ADGRB1: variants seen among roughly 807,000 people sequenced by gnomAD.
ADGRB1 encodes the protein adhesion G protein-coupled receptor B1.
ADGRB1 carries 36 observed loss-of-function variants against 175.7 expected under a neutral mutation model. The observed-to-expected ratio is 0.20, with a 90% CI of 0.16 to 0.27. The LOEUF (loss-of-function observed/expected upper bound fraction) is 0.27. Among genes scored for constraint, ADGRB1 ranks in the 10% least tolerant of loss-of-function variants. The probability of loss-of-function intolerance (pLI) is 1.00; values close to 1 mark genes in which losing one functional copy is unlikely to be tolerated. For missense variants in ADGRB1, 1,731 were observed against 2,255.3 expected (o/e 0.77, Z 4.71); for synonymous variants, 1,054 against 979.4 (o/e 1.08, Z -1.42).
chr8:142,452,732 C>T (rs1450386339), intron 1 of ADGRB1, among the ~76,000 whole-genome samples: 1 of 151,848 alleles, frequency 6.6e-6, no homozygotes, highest in African/African-American at 2.4e-5. Context: ...AGCAAGCGCC[C>T]GGGGTCCGAG....
Position 142,492,636 on chromosome 8 carries a change from T to C in ADGRB1, c.2675+1821T>C, listed in dbSNP as rs574822735. On this transcript the variant is annotated intron_variant, in intron 17 of 30. Coordinates refer to ENST00000517894, the MANE Select transcript of ADGRB1 (RefSeq NM_001702.3). This position sits in a 1 kb window ranked among gnomAD's most constrained non-coding sequence, Gnocchi z 4.4. ...GCTCCTGCCTTCTCTGCACCCCACATGGTGGACTCTGCTATGTTTCCTGCC... is the reference window on the plus strand; with the variant it reads ...GCTCCTGCCTTCTCTGCACCCCACACGGTGGACTCTGCTATGTTTCCTGCC... Among the ~76,000 whole-genome samples the C allele has an allele frequency of 5.9e-5, 9 of 152,282 alleles. No homozygotes were observed. The South Asian group carries it at 1.7e-3, about 28-fold the overall frequency.
intron 2 of ADGRB1, among the ~76,000 whole-genome samples, chr8:142,469,701 CTGTG>C (rs1261589318): frequency 7.6e-6 from 1 of 131,278 alleles, no homozygotes; most frequent in African/African-American, 2.9e-5. Context: ...GTGTGCGTGC[CTGTG>C]TGTGAATGTG....
rs867140587 is a variant in ADGRB1, at chr8:142,492,391, T to G, written c.2675+1576T>G. Among the ~76,000 whole-genome samples the G allele has an allele frequency of 3.3e-5, 5 of 152,044 alleles. No homozygotes were observed. The highest frequency in any genetic ancestry group is 4.8e-5 in the African/African-American group (2 of 41,394). On this transcript the variant is annotated intron_variant, in intron 17 of 30. Transcript: ENST00000517894. The surrounding 1 kb of genome is among the most constrained non-coding windows in gnomAD (Gnocchi z 4.4). ...AGGGACAGACGGAGCAGTGTGGTGA[T>G]GCCCGGCCGTGCATGGGCCGGGAAG...
At chr8:142,476,311 C>G (rs1226098753) in intron 3 of ADGRB1, among the ~76,000 whole-genome samples, 5 of 152,152 alleles carry the variant, frequency 3.3e-5, no homozygotes, top group Non-Finnish European at 5.9e-5. Context: ...GGGTGCCAGG[C>G]ACGGGAGAGC....
chr8:142,506,962 G>T (rs1842879930), intron 17 of ADGRB1, among the ~76,000 whole-genome samples: 1 of 152,210 alleles, frequency 6.6e-6, no homozygotes, highest in African/African-American at 2.4e-5. Flanking sequence ...ACGGTCCCTT[G>T]CAGACCTGCA....
Position 142,479,483 on chromosome 8 carries a change from T to C in ADGRB1, c.1722T>C (p.Cys574=). 6.5e-7 allele frequency: 1 copy of C among 1,543,742 alleles called. No individual in the cohort carries two copies. The highest frequency in any genetic ancestry group is 1.2e-5 in the South Asian group (1 of 82,066). The change falls in exon 8 of 31, where the codon TGT becomes TGC. Residue 574 remains cysteine (C), a synonymous_variant. Coordinates refer to ENST00000517894, the MANE Select transcript of ADGRB1 (RefSeq NM_001702.3). ...DEYRQCGTQR[C]PEPHEICDED... ...ACCGGCAGTGCGGCACCCAGCGGTG[T>C]CCCGGTGAGGCCCCTCCTACCTGGG... is the stretch of plus-strand genomic sequence containing the variant.
At chr8:142,460,221 G>A (rs983141692) in intron 1 of ADGRB1, among the ~76,000 whole-genome samples, 10 of 152,246 alleles carry the variant, frequency 6.6e-5, no homozygotes, top group African/African-American at 1.4e-4. Context: ...AGGAGACCTC[G>A]GCTGGCTCAG....
chr8:142,529,062 C>T (rs542575587), intron 24 of ADGRB1, among the ~76,000 whole-genome samples: 2 of 152,364 alleles, frequency 1.3e-5, no homozygotes, highest in South Asian at 4.1e-4. Flanking sequence ...ATGGCTGATG[C>T]CTGGGCAGGG....
At chr8:142,518,359 C>A in intron 19 of ADGRB1, 118 bp downstream of exon 19, 1 of 1,036,404 alleles carries the variant, frequency 9.6e-7, no homozygotes, top group South Asian at 1.5e-5. Context: ...CCTCACGTTC[C>A]CAGTCACCTC....
At chr8:142,505,918 A>G (rs1694481384) in intron 17 of ADGRB1, among the ~76,000 whole-genome samples, 1 of 151,728 alleles carries the variant, frequency 6.6e-6, no homozygotes, top group Admixed American at 6.6e-5. Context: ...GAGGTGGGGG[A>G]GGTGAAGCGG....
intron 23 of ADGRB1, 33 bp from the exon 24 acceptor site, chr8:142,526,509 A>ACCCCCCC: frequency 5.6e-5 from 26 of 462,832 alleles, no homozygotes; most frequent in Middle Eastern, 5.7e-4. Flanking sequence ...GGCGGCCCCC[A>ACCCCCCC]CCCCCACACC....
At chr8:142,484,086 G>A (rs772811409) in intron 12 of ADGRB1, 41 bp downstream of exon 12, 1 of 1,571,972 alleles carries the variant, frequency 6.4e-7, no homozygotes. Flanking sequence ...CTCAGGAGGG[G>A]TGCAGGCACA....
Position 142,499,613 on chromosome 8 carries a change from C to T in ADGRB1, c.2675+8798C>T, listed in dbSNP as rs568399848. Among the ~76,000 whole-genome samples, 7 of 150,070 alleles carry T rather than the reference C, an allele frequency of 4.7e-5. No homozygotes were observed. The South Asian group carries it at 1.3e-3, about 28-fold the overall frequency. On this transcript the variant is annotated intron_variant, in intron 17 of 30. Coordinates refer to ENST00000517894, the MANE Select transcript of ADGRB1 (RefSeq NM_001702.3). ...AGTGCCGCGGTGGGAGCGCTGCCTG[C>T]GAGGTGTCTGTGAGAGGTGGGGTTG...
At chr8:142,515,040 T>C (rs900566604) in intron 18 of ADGRB1, among the ~76,000 whole-genome samples, 22 of 151,966 alleles carry the variant, frequency 1.4e-4, no homozygotes, top group African/African-American at 5.1e-4. Context: ...TGGGAGTTCA[T>C]GTGGTGGAAA....
At chr8:142,501,603 G>C (rs1227374320) in intron 17 of ADGRB1, among the ~76,000 whole-genome samples, 1 of 146,140 alleles carries the variant, frequency 6.8e-6, no homozygotes, top group African/African-American at 2.7e-5. Context: ...GGTGGTGGTA[G>C]TGATGACTGT....
At chr8:142,520,373 T>G (rs1843726973) in intron 19 of ADGRB1, among the ~76,000 whole-genome samples, 2 of 135,646 alleles carry the variant, frequency 1.5e-5, no homozygotes, top group South Asian at 2.5e-4. Flanking sequence ...GTGGTGATGG[T>G]GGTGGTGGTG....
At chr8:142,465,038 GGGCAGACAGGGGAGGC>G in intron 2 of ADGRB1, 56 bp downstream of exon 2, 8 of 1,328,194 alleles carry the variant, frequency 6.0e-6, no homozygotes, top group South Asian at 1.5e-5. Context: ...CAGGGGAGGC[GGGCAGACAGGGGAGGC>G]GGGCGGATGG....
chr8:142,479,023 C>A, intron 7 of ADGRB1: 1 of 329,624 alleles, frequency 3.0e-6, no homozygotes, highest in Non-Finnish European at 5.5e-6. Context: ...CTTGGGGTGT[C>A]TGTGGGGAAG....
At chr8:142,502,402 G>GTGATGA (rs1842639395) in intron 17 of ADGRB1, among the ~76,000 whole-genome samples, 1 of 137,780 alleles carries the variant, frequency 7.3e-6, no homozygotes, top group African/African-American at 2.7e-5. Context: ...GGTGGTGATG[G>GTGATGA]TGGTGGTGGT....
Sources: allele counts gnomAD v4.1 joint callset (sites outside exome capture counted in the v4.1 genomes callset), GRCh38; gene constraint gnomAD v4.1.1; non-coding constraint Gnocchi (gnomAD v3.1); transcripts MANE v1.5; gene names NCBI Gene and HGNC (gene_info 2026-07-23, HGNC 2026-07-21).